Variants in HCN1 observed in about 807,000 individuals in gnomAD.
The protein encoded by HCN1 is potassium/sodium hyperpolarization-activated cyclic nucleotide-gated channel 1.
Under a neutral mutation model 78.9 loss-of-function variants are expected in HCN1, and 13 were observed. That is an observed-to-expected ratio of 0.16 (90% CI 0.11 to 0.26). The LOEUF (loss-of-function observed/expected upper bound fraction) is 0.26. Among genes scored for constraint, HCN1 ranks in the 10% least tolerant of loss-of-function variants. The pLI, the probability that HCN1 is intolerant of heterozygous loss-of-function variation, is 1.00. For synonymous variants in HCN1, 552 were observed against 455.5 expected, an observed-to-expected ratio of 1.21 and a Z score of -2.70; for missense variants, 810 against 1,154.3, an observed-to-expected ratio of 0.70 and a Z score of 4.32.
intron 4 of HCN1, among the ~76,000 whole-genome samples, chr5:45,366,351 A>C (rs1286517410): frequency 6.6e-6 from 1 of 151,830 alleles, no homozygotes; most frequent in Non-Finnish European, 1.5e-5. Flanking sequence ...TATATTCCTA[A>C]TGTCCTTTTT....
rs760119049 is a variant in HCN1 at position 45,461,765 on chromosome 5, C to A, written c.1011+81G>T. On this transcript the variant is annotated intron_variant, in intron 3 of 7. Transcript: ENST00000303230. ...CTGTAAACATTTATAGAGAAGAAAT[C>A]AGATCATTGTAACATAATTACTTAA... is the stretch of plus-strand genomic sequence containing the variant. The A allele has an allele frequency of 2.2e-4, 265 of 1,207,576 alleles. 1 individual carries two copies. The highest frequency in any genetic ancestry group is 3.8e-4 in the Middle Eastern group (2 of 5,246). 74.8% of individuals were successfully genotyped at this position (1,207,576 alleles called of 1,614,324 possible).
intron 6 of HCN1, among the ~76,000 whole-genome samples, chr5:45,273,350 G>C (rs950690261): frequency 3.3e-5 from 5 of 151,920 alleles, no homozygotes; most frequent in Non-Finnish European, 7.4e-5. Flanking sequence ...TAATCCTTAA[G>C]GTATGAGATA....
chr5:45,280,205 A>G (rs982970083), intron 6 of HCN1, among the ~76,000 whole-genome samples: 2 of 152,188 alleles, frequency 1.3e-5, no homozygotes, highest in Admixed American at 6.6e-5. Flanking sequence ...ATCAAGCTGT[A>G]TATTTACTTA....
At chr5:45,285,586 G>A (rs535770187) in intron 6 of HCN1, among the ~76,000 whole-genome samples, 2 of 151,622 alleles carry the variant, frequency 1.3e-5, no homozygotes, top group South Asian at 2.1e-4. Context: ...TTATATTTTG[G>A]CATCTTATTC....
intron 1 of HCN1, among the ~76,000 whole-genome samples, chr5:45,681,275 G>A (rs1232816589): frequency 3.3e-5 from 5 of 151,954 alleles, no homozygotes; most frequent in Admixed American, 6.6e-5. Context: ...CAGGTTGCTG[G>A]GGATAGTTTT....
At chr5:45,316,771 CA>C (rs1746002759) in intron 5 of HCN1, among the ~76,000 whole-genome samples, 1 of 152,066 alleles carries the variant, frequency 6.6e-6, no homozygotes, top group African/African-American at 2.4e-5. Flanking sequence ...ACACCAATAA[CA>C]GACAAACAGA....
intron 3 of HCN1, among the ~76,000 whole-genome samples, chr5:45,423,365 A>G (rs1344525462): frequency 6.6e-6 from 1 of 152,122 alleles, no homozygotes; most frequent in Non-Finnish European, 1.5e-5. Flanking sequence ...CTAGCATTCA[A>G]GGTGCCACAC....
At chr5:45,302,075 T>C (rs1745637718) in intron 6 of HCN1, among the ~76,000 whole-genome samples, 1 of 151,956 alleles carries the variant, frequency 6.6e-6, no homozygotes, top group East Asian at 1.9e-4. Flanking sequence ...ATAACAAAAA[T>C]GCAAACAGAA....
intron 2 of HCN1, among the ~76,000 whole-genome samples, chr5:45,532,470 C>T (rs1347884229): frequency 1.3e-5 from 2 of 151,956 alleles, no homozygotes; most frequent in Non-Finnish European, 2.9e-5. Flanking sequence ...AAAATATAGC[C>T]AATTATAACA....
At chr5:45,490,026 C>T (rs562380902) in intron 2 of HCN1, among the ~76,000 whole-genome samples, 1 of 152,266 alleles carries the variant, frequency 6.6e-6, no homozygotes, top group African/African-American at 2.4e-5. Context: ...CTTGGCAAAC[C>T]TACTGACAAT....
chr5:45,544,193 T>A (rs1743161394), intron 2 of HCN1, among the ~76,000 whole-genome samples: 1 of 152,088 alleles, frequency 6.6e-6, no homozygotes, highest in South Asian at 2.1e-4. Flanking sequence ...AATATACTTA[T>A]TTTGCTAAAT....
At chr5:45,312,093 T>C (rs1357302788) in intron 5 of HCN1, among the ~76,000 whole-genome samples, 1 of 152,208 alleles carries the variant, frequency 6.6e-6, no homozygotes, top group African/African-American at 2.4e-5. Flanking sequence ...GTCAGATGTT[T>C]CTGGGATCCA....
intron 6 of HCN1, among the ~76,000 whole-genome samples, chr5:45,293,230 CCTT>C (rs1745416018): frequency 6.6e-6 from 1 of 152,018 alleles, no homozygotes; most frequent in Non-Finnish European, 1.5e-5. Context: ...TAAAACTGTT[CCTT>C]CTTCTCCACA....
At chr5:45,546,507 TG>T (rs1013707084) in intron 2 of HCN1, among the ~76,000 whole-genome samples, 19 of 151,960 alleles carry the variant, frequency 1.3e-4, no homozygotes, top group Non-Finnish European at 1.9e-4. Flanking sequence ...AAAACTTATC[TG>T]TCTTTCTTTG....
chr5:45,574,456 G>A (rs1218205924), intron 2 of HCN1: 1 of 151,984 alleles, frequency 6.6e-6, no homozygotes, highest in African/African-American at 2.4e-5. Context: ...TGTGTGTTCT[G>A]ACTGCTCCCT....
chr5:45,651,058 T>A (rs989293618), intron 1 of HCN1, among the ~76,000 whole-genome samples: 1 of 152,052 alleles, frequency 6.6e-6, no homozygotes, highest in Non-Finnish European at 1.5e-5. Flanking sequence ...CTCTCTGTGA[T>A]GAAATAAATA....
chr5:45,656,831 T>G (rs1382305205), intron 1 of HCN1, among the ~76,000 whole-genome samples: 1 of 152,176 alleles, frequency 6.6e-6, no homozygotes, highest in Non-Finnish European at 1.5e-5. Context: ...CTCTACTTAT[T>G]TATGTTAACA....
chr5:45,287,051 T>A (rs1050604431), intron 6 of HCN1, among the ~76,000 whole-genome samples: 2 of 141,158 alleles, frequency 1.4e-5, no homozygotes, highest in Non-Finnish European at 2.9e-5. Context: ...ATTAAATTCA[T>A]ATTATTTAGC....
chr5:45,610,362 TAG>T (rs775396037), intron 2 of HCN1, among the ~76,000 whole-genome samples: 10 of 151,998 alleles, frequency 6.6e-5, no homozygotes, highest in Non-Finnish European at 1.5e-4. Flanking sequence ...ACAGAAAGAA[TAG>T]AGTCTAAAAT....
Sources: allele counts gnomAD v4.1 joint callset (sites outside exome capture counted in the v4.1 genomes callset), GRCh38; gene constraint gnomAD v4.1.1; transcripts MANE v1.5; gene names NCBI Gene and HGNC (gene_info 2026-07-23, HGNC 2026-07-21).